MACF1: variants seen among roughly 807,000 people sequenced by gnomAD.
MACF1 encodes microtubule-actin cross-linking factor 1.
MACF1 carries 193 observed loss-of-function variants against 854.8 expected under a neutral mutation model. The observed-to-expected ratio is 0.23, with a 90% CI of 0.20 to 0.25. The LOEUF (loss-of-function observed/expected upper bound fraction) is 0.25, where lower values mean the gene tolerates loss of function less well. Among genes scored for constraint, MACF1 ranks in the 10% least tolerant of loss-of-function variants. The pLI, the probability that MACF1 is intolerant of heterozygous loss-of-function variation, is 1.00. For missense variants in MACF1, 7,722 were observed against 8,929.1 expected, an observed-to-expected ratio of 0.86 and a Z score of 5.45; for synonymous variants, 3,185 against 3,226.7, an observed-to-expected ratio of 0.99 and a Z score of 0.44.
chr1:39,430,415 A>G (rs559706793), intron 65 of MACF1, among the ~76,000 whole-genome samples: 2 of 152,200 alleles, frequency 1.3e-5, no homozygotes, highest in African/African-American at 2.4e-5. Context: ...TGGTTAAAGC[A>G]TTATTTATCA....
intron 58 of MACF1, among the ~76,000 whole-genome samples, chr1:39,407,766 T>C (rs956758191): frequency 3.3e-5 from 5 of 152,250 alleles, no homozygotes; most frequent in African/African-American, 1.2e-4. Flanking sequence ...TTTCACTTAC[T>C]GTTTGTGTAA....
chr1:39,159,778 C>G (rs974197391), intron 2 of MACF1, among the ~76,000 whole-genome samples: 1 of 151,852 alleles, frequency 6.6e-6, no homozygotes, highest in Non-Finnish European at 1.5e-5. Flanking sequence ...AACCATTTTT[C>G]TTTCATCAGT....
At chr1:39,268,237 GC>G (rs1325926310) in intron 6 of MACF1, among the ~76,000 whole-genome samples, 1 of 151,790 alleles carries the variant, frequency 6.6e-6, no homozygotes, top group Non-Finnish European at 1.5e-5. Context: ...GTTACCTTCT[GC>G]CACGGCCTCT....
chr1:39,134,151 T>C (rs997528572), intron 2 of MACF1, among the ~76,000 whole-genome samples: 1 of 149,146 alleles, frequency 6.7e-6, no homozygotes. Flanking sequence ...TGCCATTCTC[T>C]TGCCTCAGCC....
intron 2 of MACF1, among the ~76,000 whole-genome samples, chr1:39,139,692 T>A (rs143111227): frequency 6.6e-6 from 1 of 152,224 alleles, no homozygotes; most frequent in Non-Finnish European, 1.5e-5. Context: ...TTACTTTTTG[T>A]GGATCCTTCC....
intron 61 of MACF1, among the ~76,000 whole-genome samples, chr1:39,426,458 G>A (rs1314227429): frequency 6.6e-6 from 1 of 152,182 alleles, no homozygotes; most frequent in African/African-American, 2.4e-5. Flanking sequence ...TCTGTTTTTA[G>A]TAATTCAAAG....
At chr1:39,394,916 A>G (rs1440845374) in intron 58 of MACF1, among the ~76,000 whole-genome samples, 1 of 151,912 alleles carries the variant, frequency 6.6e-6, no homozygotes, top group African/African-American at 2.4e-5. Context: ...ATCCCTGCCA[A>G]CCCCCACCTT....
At chr1:39,463,878 ATAG>A (rs1215221739) in intron 94 of MACF1, 192 bp downstream of exon 94, 4 of 515,340 alleles carry the variant, frequency 7.8e-6, no homozygotes, top group African/African-American at 3.9e-5. Flanking sequence ...ATCTACCTAG[ATAG>A]TAGTAGTTTG....
chr1:39,410,769 G>A, intron 58 of MACF1: 12 of 1,613,994 alleles, frequency 7.4e-6, no homozygotes, highest in Non-Finnish European at 1.0e-5. Flanking sequence ...TGCAAGAGAA[G>A]AAGGAGTCCA....
Position 39,331,868 on chromosome 1 carries a change from G to C in MACF1, c.5280G>C (p.Gln1760His). 1 of 1,614,098 alleles carries C rather than the reference G, an allele frequency of 6.2e-7. No individual in the cohort carries two copies. The highest frequency in any genetic ancestry group is 8.5e-7 in the Non-Finnish European group (1 of 1,180,010). Residue 1760 changes from glutamine (Q) to histidine (H), a missense_variant, in exon 37 of 101, where the codon CAG becomes CAC. Gln to His is a conservative substitution (Grantham distance 24). Coordinates refer to ENST00000564288, the MANE Select transcript of MACF1 (RefSeq NM_001394062.1). ...RAVQEGLIDR[Q>H]VTVRLLEAQL... ...TTCAGGAAGGGCTAATAGATAGGCA[G>C]GTCACTGTCCGGTTGCTGGAAGCTC...
rs1274199151 is a variant in MACF1 at position 39,388,734 on chromosome 1, C to T, written c.15816+76C>T. The stretch of plus-strand genomic sequence containing the variant: ...GTAACTTGGAAACCAGTCAAGTATA[C>T]ATTTTAACTTCTGTCCCTAGTTTTA... On this transcript the variant is annotated intron_variant, in intron 58 of 100. Transcript: ENST00000564288. The T allele has an allele frequency of 2.4e-5, 33 of 1,349,326 alleles. No homozygotes were observed. In the East Asian group the frequency reaches 7.4e-4, roughly 30 times the overall value. 83.6% of individuals were successfully genotyped at this position (1,349,326 alleles called of 1,614,324 possible).
chr1:39,255,542 A>C (rs1376148078), intron 5 of MACF1, among the ~76,000 whole-genome samples: 5 of 152,220 alleles, frequency 3.3e-5, no homozygotes, highest in African/African-American at 1.2e-4. Context: ...AATTCTCATT[A>C]ACTTCTAAAA....
chr1:39,122,922 G>GGTA (rs1254539016), intron 2 of MACF1, among the ~76,000 whole-genome samples: 4 of 152,106 alleles, frequency 2.6e-5, no homozygotes, highest in South Asian at 2.1e-4. Flanking sequence ...CTTCCTCTTA[G>GGTA]GTAGCTTTAT....
At chr1:39,316,351 A>C (rs1387092860) in intron 27 of MACF1, 40 bp from the exon 28 acceptor site, 1 of 1,558,500 alleles carries the variant, frequency 6.4e-7, no homozygotes, top group African/African-American at 1.4e-5. Context: ...GGCTCCTAAA[A>C]TTCATGTGTT....
chr1:39,133,552 C>CCTT (rs769668178), intron 2 of MACF1, among the ~76,000 whole-genome samples: 1 of 152,046 alleles, frequency 6.6e-6, no homozygotes, highest in African/African-American at 2.4e-5. Flanking sequence ...TCCTCCTCCT[C>CCTT]CTTCTTCCTG....
At chr1:39,231,966 C>A (rs185154682) in intron 2 of MACF1, among the ~76,000 whole-genome samples, 4 of 151,402 alleles carry the variant, frequency 2.6e-5, no homozygotes, top group Non-Finnish European at 4.4e-5. Flanking sequence ...ATTTTACCAC[C>A]AGGTAGTCTA....
intron 80 of MACF1, among the ~76,000 whole-genome samples, chr1:39,446,469 A>G (rs1042176061): frequency 6.6e-6 from 1 of 151,750 alleles, no homozygotes; most frequent in Admixed American, 6.6e-5. Context: ...TTGGGTTTGT[A>G]CATTTTTATA....
At chr1:39,094,804 A>C (rs890033507) in intron 2 of MACF1, among the ~76,000 whole-genome samples, 9 of 151,924 alleles carry the variant, frequency 5.9e-5, no homozygotes, top group African/African-American at 2.2e-4. Context: ...AGGTGGGAGG[A>C]TTGCTTGAGC....
At chr1:39,448,436 A>AT (rs1644270191) in intron 83 of MACF1, among the ~76,000 whole-genome samples, 158 bp from the exon 84 acceptor site, 1 of 152,200 alleles carries the variant, frequency 6.6e-6, no homozygotes, top group African/African-American at 2.4e-5. Flanking sequence ...AAAAAATTAT[A>AT]AATTTCTTAA....
Sources: allele counts gnomAD v4.1 joint callset (sites outside exome capture counted in the v4.1 genomes callset), GRCh38; gene constraint gnomAD v4.1.1; transcripts MANE v1.5; gene names NCBI Gene and HGNC (gene_info 2026-07-23, HGNC 2026-07-21).